Variants in ZFAT observed in about 807,000 individuals in gnomAD.
ZFAT encodes the protein zinc finger protein ZFAT.
ZFAT carries 64 observed loss-of-function variants against 117.7 expected under a neutral mutation model. That is an observed-to-expected ratio of 0.54 (90% CI 0.44 to 0.67). The LOEUF (loss-of-function observed/expected upper bound fraction) is 0.67. ZFAT is among the 30% of genes least tolerant of loss of function. ZFAT has a pLI of 0.00. For missense variants in ZFAT, 1,433 were observed against 1,584.5 expected, an observed-to-expected ratio of 0.90 and a Z score of 1.62; for synonymous variants, 679 against 615.0, an observed-to-expected ratio of 1.10 and a Z score of -1.54.
At chr8:134,495,053 A>G (rs1289728640) in intron 15 of ZFAT, among the ~76,000 whole-genome samples, 1 of 152,152 alleles carries the variant, frequency 6.6e-6, no homozygotes, top group Non-Finnish European at 1.5e-5. Context: ...TCTCTCTCAC[A>G]CAGAACCACC....
At chr8:134,787,079 T>C in the ZFAT span, among the ~76,000 whole-genome samples, 59,241 of 151,868 alleles carry the variant, frequency 0.39, 12,773 homozygotes, top group African/African-American at 0.56. Flanking sequence ...GAACTCCTGG[T>C]CTTAAGCTAT....
rs749128725 is a variant in ZFAT, at chr8:134,478,716, G to A, written c.3498C>T (p.Thr1166=). 12 of 1,559,490 alleles carry A rather than the reference G, an allele frequency of 7.7e-6. No homozygotes were observed. Among genetic ancestry groups the A allele is most frequent in the Admixed American group, 1.9e-5 (1 of 52,802 alleles). The part of the protein sequence containing the change: ...PGTVTVVKQV[T]EEEPSSNHTV... ...TGTGGTTGGAGCTGGGCTCCTCCTCGGTGACCTGCGGGAGGAGGGCAAGAG... is the reference window on the plus strand; with the variant it reads ...TGTGGTTGGAGCTGGGCTCCTCCTCAGTGACCTGCGGGAGGAGGGCAAGAG... Residue 1166 remains threonine, a synonymous_variant, in exon 16 of 16, where the codon ACC becomes ACT. Coordinates refer to ENST00000377838, the MANE Select transcript of ZFAT (RefSeq NM_020863.4). The surrounding 1 kb of genome is among the most constrained non-coding windows in gnomAD (Gnocchi z 5.2).
chr8:134,518,617 T>C (rs1299336104), intron 13 of ZFAT, among the ~76,000 whole-genome samples: 2 of 152,076 alleles, frequency 1.3e-5, no homozygotes, highest in African/African-American at 2.4e-5. Flanking sequence ...AAAGGGTTGA[T>C]CTTTCTCATC....
At chr8:134,779,679 T>C in the ZFAT span, among the ~76,000 whole-genome samples, 2 of 152,210 alleles carry the variant, frequency 1.3e-5, no homozygotes, top group African/African-American at 4.8e-5. Context: ...TATAAGTATC[T>C]ATCTTAAAAA....
At chr8:134,565,193 A>G in intron 11 of ZFAT, 140 bp downstream of exon 11, 1 of 1,538,576 alleles carries the variant, frequency 6.5e-7, no homozygotes, top group South Asian at 1.2e-5. Flanking sequence ...TATGCCTCAG[A>G]CTCCACGTGT....
At chr8:134,752,628 C>A in the ZFAT span, among the ~76,000 whole-genome samples, 16 of 152,106 alleles carry the variant, frequency 1.1e-4, no homozygotes, top group African/African-American at 3.6e-4. Context: ...GTGGCCTGAA[C>A]AAAAGACATT....
At chr8:134,746,170 A>G in the ZFAT span, among the ~76,000 whole-genome samples, 1 of 152,002 alleles carries the variant, frequency 6.6e-6, no homozygotes, top group African/African-American at 2.4e-5. Context: ...AATGAAAAGA[A>G]CCTCCTCCTT....
intron 3 of ZFAT, among the ~76,000 whole-genome samples, chr8:134,634,309 G>C (rs565084676): frequency 2.0e-5 from 3 of 152,190 alleles, no homozygotes; most frequent in Non-Finnish European, 4.4e-5. Context: ...AAAGAATGGA[G>C]GAGGGCCTTC....
At chr8:134,804,320 C>T in the ZFAT span, among the ~76,000 whole-genome samples, 4 of 152,148 alleles carry the variant, frequency 2.6e-5, no homozygotes, top group South Asian at 6.2e-4. Flanking sequence ...AGTGGCTTGA[C>T]GTCTTGCAGT....
rs77640180 is a variant in ZFAT, at chr8:134,506,381, G to T, written c.3492+3238C>A. Among the ~76,000 whole-genome samples the T allele has an allele frequency of 7.6e-3, 1,154 of 152,332 alleles. 18 individuals carry two copies. Among genetic ancestry groups the T allele is most frequent in the African/African-American group, 0.027 (1,103 of 41,566 alleles). On this transcript the variant is annotated intron_variant, in intron 15 of 15. Transcript: ENST00000377838. ...GCGTTGGGAGATGCTCGGGCCCCAT[G>T]AATCTATTTTTAATGCCAACACTCA...
chr8:134,760,161 G>A, the ZFAT span, among the ~76,000 whole-genome samples: 3 of 150,978 alleles, frequency 2.0e-5, no homozygotes, highest in Non-Finnish European at 2.9e-5. Flanking sequence ...CCAGCTACCC[G>A]GGAGGCTGAG....
chr8:134,668,645 G>A (rs1446290158), intron 1 of ZFAT, among the ~76,000 whole-genome samples: 2 of 152,186 alleles, frequency 1.3e-5, no homozygotes, highest in Non-Finnish European at 2.9e-5. Flanking sequence ...AAACCACAAA[G>A]ATGGGGAAAA....
At chr8:134,631,709 G>C (rs1829904689) in intron 3 of ZFAT, among the ~76,000 whole-genome samples, 1 of 152,182 alleles carries the variant, frequency 6.6e-6, no homozygotes, top group South Asian at 2.1e-4. Flanking sequence ...TCTGCCTCCT[G>C]GTGGTGAGCA....
intron 1 of ZFAT, among the ~76,000 whole-genome samples, chr8:134,687,481 A>G (rs1379489122): frequency 6.6e-6 from 1 of 152,200 alleles, no homozygotes; most frequent in Non-Finnish European, 1.5e-5. Context: ...TGGGCAATGG[A>G]ATACATTCAC....
intron 12 of ZFAT, 81 bp from the exon 13 acceptor site, chr8:134,521,082 C>T (rs1385287614): frequency 7.1e-6 from 7 of 983,860 alleles, no homozygotes; most frequent in Admixed American, 2.3e-5. Context: ...TGTTCAAATG[C>T]TTCAAATCTA....
intron 14 of ZFAT, chr8:134,510,142 G>A (rs564064676): frequency 7.6e-5 from 35 of 458,070 alleles, no homozygotes; most frequent in African/African-American, 5.6e-4. Flanking sequence ...CCGTTCAGCC[G>A]CAGACTCAAT....
At chr8:134,616,456 C>T (rs550939690) in intron 3 of ZFAT, among the ~76,000 whole-genome samples, 3 of 152,268 alleles carry the variant, frequency 2.0e-5, no homozygotes, top group South Asian at 4.1e-4. Flanking sequence ...TGAAATGCCT[C>T]GAGGACCCGA....
At chr8:134,778,713 C>A in the ZFAT span, among the ~76,000 whole-genome samples, 1 of 152,158 alleles carries the variant, frequency 6.6e-6, no homozygotes, top group Non-Finnish European at 1.5e-5. Context: ...GGTATCAGGG[C>A]AGATTTCTAG....
chr8:134,768,720 C>T, the ZFAT span, among the ~76,000 whole-genome samples: 3 of 152,204 alleles, frequency 2.0e-5, no homozygotes, highest in East Asian at 3.8e-4. Context: ...CCTTCCACAA[C>T]ATGTGGGAAT....
Sources: gnomAD v4.1 joint callset for allele counts (sites outside exome capture counted in the v4.1 genomes callset) on GRCh38, gnomAD v4.1.1 for gene constraint, Gnocchi (gnomAD v3.1) non-coding constraint, MANE v1.5 for transcripts, NCBI Gene and HGNC (gene_info 2026-07-23, HGNC 2026-07-21) for gene names.